Variants in TAOK3 observed in about 807,000 individuals in gnomAD.
The protein encoded by TAOK3 is TAO kinase 3, also known as serine/threonine-protein kinase TAO3.
A neutral mutation model predicts 120.4 loss-of-function variants in TAOK3; 40 were observed. That is an observed-to-expected ratio of 0.33 (90% CI 0.26 to 0.43). The LOEUF (loss-of-function observed/expected upper bound fraction) is 0.43, where lower values mean the gene tolerates loss of function less well. TAOK3 is among the 20% of genes least tolerant of loss of function. The pLI is 1.00. For synonymous variants in TAOK3, 355 were observed against 387.5 expected (o/e 0.92, Z 0.99); for missense variants, 821 against 1,112.1 (o/e 0.74, Z 3.72).
chr12:118,171,501 C>T (rs1193066207), intron 17 of TAOK3, among the ~76,000 whole-genome samples: 8 of 152,256 alleles, frequency 5.3e-5, no homozygotes, highest in African/African-American at 1.4e-4. Flanking sequence ...GGATTATAGG[C>T]GTGCACCACC....
At chr12:118,280,133 C>A (rs2042048305) in intron 1 of TAOK3, among the ~76,000 whole-genome samples, 1 of 150,244 alleles carries the variant, frequency 6.7e-6, no homozygotes. Flanking sequence ...GCCATCTTAG[C>A]TCACTGCAAC....
chr12:118,223,975 CATA>C (rs1243973936), intron 9 of TAOK3, among the ~76,000 whole-genome samples: 1 of 152,080 alleles, frequency 6.6e-6, no homozygotes, highest in East Asian at 1.9e-4. Flanking sequence ...GGTTGAAAAC[CATA>C]ATAACTAATG....
chr12:118,287,133 T>A (rs573699366), intron 1 of TAOK3, among the ~76,000 whole-genome samples: 1 of 152,298 alleles, frequency 6.6e-6, no homozygotes, highest in East Asian at 1.9e-4. Context: ...GCTTGGGTGA[T>A]GGGTGCACCA....
At chr12:118,339,644 C>T (rs1001757843) in intron 1 of TAOK3, among the ~76,000 whole-genome samples, 3 of 151,852 alleles carry the variant, frequency 2.0e-5, no homozygotes, top group Admixed American at 6.6e-5. Context: ...CGGCTCACTG[C>T]AACCTCCACC....
intron 1 of TAOK3, among the ~76,000 whole-genome samples, chr12:118,299,844 G>A (rs1359467016): frequency 1.3e-5 from 2 of 151,696 alleles, no homozygotes; most frequent in African/African-American, 4.8e-5. Context: ...TTTAAACTTT[G>A]AGTGTTTATC....
chr12:118,268,902 G>A (rs1188035109), intron 1 of TAOK3, among the ~76,000 whole-genome samples: 1 of 151,946 alleles, frequency 6.6e-6, no homozygotes, highest in African/African-American at 2.4e-5. Flanking sequence ...CAGCTACTCG[G>A]GCAGCTGAGG....
At chr12:118,189,664 G>T in intron 14 of TAOK3, 143 bp downstream of exon 14, 10 of 1,022,558 alleles carry the variant, frequency 9.8e-6, no homozygotes, top group East Asian at 2.8e-5. Context: ...TTCCTAAAAT[G>T]AATAAAATTA....
In TAOK3 at chr12:118,150,895, A is replaced by T; in HGVS notation, c.*102T>A. 2.6e-6 allele frequency: 3 copies of T among 1,164,022 alleles called. No individual in the cohort carries two copies. Among genetic ancestry groups the T allele is most frequent in the Non-Finnish European group, 3.6e-6 (3 of 836,988 alleles). 72.1% of individuals were successfully genotyped at this position (1,164,022 alleles called of 1,614,324 possible). Reference sequence around the variant, plus strand: ...GTAAGAGTAAGAGAGAGAGAGAGTGAGAGCAACGCCCGTTAAAATGGGGAA... The same window carrying T: ...GTAAGAGTAAGAGAGAGAGAGAGTGTGAGCAACGCCCGTTAAAATGGGGAA... On this transcript the variant is annotated 3_prime_UTR_variant, in exon 21 of 21. Coordinates refer to ENST00000392533, the MANE Select transcript of TAOK3 (RefSeq NM_016281.4).
At chr12:118,362,592 CAG>C (rs1418883083) in intron 1 of TAOK3, among the ~76,000 whole-genome samples, 1 of 152,120 alleles carries the variant, frequency 6.6e-6, no homozygotes, top group African/African-American at 2.4e-5. Context: ...CTAGATCACA[CAG>C]TAAGAAAAAT....
At chr12:118,193,758 C>G (rs548208937) in intron 13 of TAOK3, among the ~76,000 whole-genome samples, 1 of 152,102 alleles carries the variant, frequency 6.6e-6, no homozygotes, top group Non-Finnish European at 1.5e-5. Context: ...TACTTGCCTA[C>G]AGTTTCTAAA....
chr12:118,171,824 C>T (rs2036013770), intron 17 of TAOK3, among the ~76,000 whole-genome samples: 1 of 152,220 alleles, frequency 6.6e-6, no homozygotes, highest in African/African-American at 2.4e-5. Flanking sequence ...TCTATATACA[C>T]AGAACTCTGG....
At chr12:118,218,457 C>T (rs1470154192) in intron 9 of TAOK3, among the ~76,000 whole-genome samples, 1 of 152,070 alleles carries the variant, frequency 6.6e-6, no homozygotes, top group East Asian at 1.9e-4. Flanking sequence ...TTGCATGTAA[C>T]CTGCACACAT....
chr12:118,276,743 G>A (rs1262779577), intron 1 of TAOK3, among the ~76,000 whole-genome samples: 1 of 151,252 alleles, frequency 6.6e-6, no homozygotes, highest in East Asian at 2.0e-4. Context: ...AGTGGCTCAT[G>A]CCTGCAATCC....
chr12:118,179,752 C>T (rs2036580756), intron 15 of TAOK3, among the ~76,000 whole-genome samples: 1 of 148,004 alleles, frequency 6.8e-6, no homozygotes, highest in African/African-American at 2.5e-5. Flanking sequence ...TCAAGTGATT[C>T]TCTTGTCTCA....
chr12:118,277,998 G>A (rs1402943651), intron 1 of TAOK3, among the ~76,000 whole-genome samples: 2 of 151,910 alleles, frequency 1.3e-5, no homozygotes, highest in African/African-American at 4.8e-5. Flanking sequence ...TTGTGGTTTT[G>A]TTTACAAAAC....
chr12:118,258,337 A>G (rs954853068), intron 2 of TAOK3, among the ~76,000 whole-genome samples: 1 of 152,214 alleles, frequency 6.6e-6, no homozygotes, highest in African/African-American at 2.4e-5. Context: ...ATAATCAAGT[A>G]TAAAGTTACT....
At chr12:118,368,497 CTGGT>C (rs1949761402) in intron 1 of TAOK3, among the ~76,000 whole-genome samples, 1 of 145,098 alleles carries the variant, frequency 6.9e-6, no homozygotes, top group African/African-American at 2.5e-5. Flanking sequence ...CGCGCCCGGC[CTGGT>C]TATTTTTTTT....
chr12:118,203,005 C>G (rs913374179), intron 11 of TAOK3, among the ~76,000 whole-genome samples: 2 of 151,880 alleles, frequency 1.3e-5, no homozygotes, highest in Admixed American at 6.6e-5. Context: ...GTCTTAAACT[C>G]CTGAGCTCAA....
intron 3 of TAOK3, among the ~76,000 whole-genome samples, chr12:118,249,951 A>G (rs2040678786): frequency 6.6e-6 from 1 of 152,194 alleles, no homozygotes; most frequent in African/African-American, 2.4e-5. Flanking sequence ...TATTTGCTTT[A>G]GGTGGGTTAT....
Sources: gnomAD v4.1 joint callset for allele counts (sites outside exome capture counted in the v4.1 genomes callset) on GRCh38, gnomAD v4.1.1 for gene constraint, MANE v1.5 for transcripts, NCBI Gene and HGNC (gene_info 2026-07-23, HGNC 2026-07-21) for gene names.